DAPK1: variants seen among roughly 807,000 people sequenced by gnomAD.
DAPK1 encodes death associated protein kinase 1, also known as death-associated protein kinase 1.
In DAPK1, 56 loss-of-function variants were observed where a neutral mutation model predicts 144.9. That is an observed-to-expected ratio of 0.39 (90% CI 0.31 to 0.48). The LOEUF (loss-of-function observed/expected upper bound fraction) is 0.48. DAPK1 is among the 20% of genes least tolerant of loss of function. The pLI is 0.95. For synonymous variants in DAPK1, 690 were observed against 749.0 expected (o/e 0.92, Z 1.29); for missense variants, 1,454 against 1,875.4 (o/e 0.78, Z 4.15).
At chr9:87,597,276 C>G (rs1828350673) in intron 2 of DAPK1, among the ~76,000 whole-genome samples, 1 of 152,180 alleles carries the variant, frequency 6.6e-6, no homozygotes, top group South Asian at 2.1e-4. Context: ...AAGGTGCTGT[C>G]TGCTTCCCAT....
rs1415129713 is a variant in DAPK1, at chr9:87,706,999, C to CG, written c.3930dup (p.Arg1311GlufsTer28). 2.5e-6 allele frequency: 4 copies of CG among 1,613,322 alleles called. No homozygotes were observed. Among genetic ancestry groups the CG allele is most frequent in the African/African-American group, 1.3e-5 (1 of 74,908 alleles). On this transcript the variant is annotated frameshift_variant, in exon 26 of 26. Transcript: ENST00000408954. LOFTEE classifies it high-confidence loss of function. The surrounding 1 kb of genome is among the most constrained non-coding windows in gnomAD (Gnocchi z 9.0). ...TGCATCAGACCTGAACCTCCTCACT[C>CG]GGAGGAAACTGAGTCGCCTGCTGGA...
Position 87,708,351 on chromosome 9 carries a change from A to T in DAPK1, c.*987A>T, listed in dbSNP as rs977174401. The T allele has an allele frequency of 1.3e-5, 2 of 152,726 alleles. No individual in the cohort carries two copies. Among genetic ancestry groups the T allele is most frequent in the Non-Finnish European group, 2.9e-5 (2 of 68,096 alleles). 9.5% of individuals were successfully genotyped at this position (152,726 alleles called of 1,614,324 possible). ...GTTTCCACATTTAGATCCTGGTTTCATAACTTCCTGTACTTGAAGTCTAAA... is the reference window on the plus strand; with the variant it reads ...GTTTCCACATTTAGATCCTGGTTTCTTAACTTCCTGTACTTGAAGTCTAAA... On this transcript the variant is annotated 3_prime_UTR_variant, in exon 26 of 26. Coordinates refer to ENST00000408954, the MANE Select transcript of DAPK1 (RefSeq NM_004938.4).
chr9:87,513,130 A>G (rs905154346), intron 2 of DAPK1, among the ~76,000 whole-genome samples: 1 of 152,250 alleles, frequency 6.6e-6, no homozygotes, highest in Non-Finnish European at 1.5e-5. Context: ...CAAATAAGCT[A>G]TAAACAGGTA....
At chr9:87,649,001 G>A in intron 15 of DAPK1, 122 bp downstream of exon 15, 1 of 834,780 alleles carries the variant, frequency 1.2e-6, no homozygotes, top group Non-Finnish European at 1.9e-6. Context: ...CCCCTACAGA[G>A]GGCAAGGCTC....
intron 2 of DAPK1, among the ~76,000 whole-genome samples, chr9:87,568,625 C>T (rs9314767): frequency 0.28 from 41,869 of 152,064 alleles, 6,175 homozygotes; most frequent in East Asian, 0.49. Context: ...GCAGCCTGAC[C>T]GTGCCTCCTC....
intron 2 of DAPK1, among the ~76,000 whole-genome samples, chr9:87,502,882 G>T (rs56175711): frequency 6.6e-6 from 1 of 152,126 alleles, no homozygotes; most frequent in Admixed American, 6.5e-5. Context: ...ATGGTGTGCA[G>T]GGTTTCATAG....
intron 24 of DAPK1, chr9:87,701,690 T>C (rs12056997): frequency 0.16 from 51,603 of 328,014 alleles, 5,389 homozygotes; most frequent in East Asian, 0.43. Context: ...CCTGTCTCCC[T>C]CTCTTACCTT....
chr9:87,547,636 G>T (rs1162039991), intron 2 of DAPK1, among the ~76,000 whole-genome samples: 2 of 151,724 alleles, frequency 1.3e-5, no homozygotes, highest in African/African-American at 4.8e-5. Context: ...TTGATTTTAA[G>T]GAATTGGCTT....
intron 2 of DAPK1, among the ~76,000 whole-genome samples, chr9:87,572,077 A>C (rs180870487): frequency 1.1e-3 from 161 of 152,386 alleles, no homozygotes; most frequent in African/African-American, 3.7e-3. Context: ...AGACTTGCTC[A>C]GCATTGGCAA....
intron 2 of DAPK1, among the ~76,000 whole-genome samples, chr9:87,540,777 G>A (rs4877365): frequency 0.29 from 43,413 of 152,038 alleles, 6,510 homozygotes; most frequent in Middle Eastern, 0.42. Context: ...CCACAGCGTA[G>A]TTGCTCACTT....
intron 21 of DAPK1, among the ~76,000 whole-genome samples, chr9:87,688,530 T>C (rs548175299): frequency 6.6e-6 from 1 of 152,358 alleles, no homozygotes; most frequent in African/African-American, 2.4e-5. Context: ...CCACAGTGGC[T>C]GAACTTATTT....
intron 2 of DAPK1, among the ~76,000 whole-genome samples, chr9:87,602,922 TTCTC>T (rs143584239): frequency 0.028 from 4,145 of 146,462 alleles, 151 homozygotes; most frequent in African/African-American, 0.088. Context: ...GTCTCTCTGT[TTCTC>T]TCTCTCTCTC....
chr9:87,602,971 A>T (rs1828581411), intron 2 of DAPK1, among the ~76,000 whole-genome samples: 1 of 148,902 alleles, frequency 6.7e-6, no homozygotes, highest in South Asian at 2.1e-4. Flanking sequence ...TTGAATTTTA[A>T]AGCACCATGA....
At chr9:87,551,869 G>C (rs138768809) in intron 2 of DAPK1, among the ~76,000 whole-genome samples, 1 of 152,148 alleles carries the variant, frequency 6.6e-6, no homozygotes, top group African/African-American at 2.4e-5. Context: ...AGGGGCGGGC[G>C]CTGCTGATAG....
chr9:87,648,680 CAG>C lies in DAPK1; in HGVS notation c.1330-98_1330-97del, dbSNP rs1830343914. 8 of 1,059,324 alleles carry C rather than the reference CAG, an allele frequency of 7.6e-6. No homozygotes were observed. In the Admixed American group the frequency reaches 1.1e-4, roughly 14 times the overall value. The allele number at this position is 1,059,324 out of a possible 1,614,324, so 65.6% of individuals were successfully genotyped here. A position where few individuals can be genotyped will look rare whatever the true frequency, so the allele number is the denominator to read the frequency against. On this transcript the variant is annotated intron_variant, in intron 14 of 25. Transcript: ENST00000408954. The stretch of plus-strand genomic sequence containing the variant: ...GGTGGGTGGGTGGAACCAAAGGGGA[CAG>C]AGTGGAACCAGGCAGGCCTGGGTGT...
chr9:87,592,896 C>T (rs1828186881), intron 2 of DAPK1, among the ~76,000 whole-genome samples: 1 of 152,240 alleles, frequency 6.6e-6, no homozygotes, highest in South Asian at 2.1e-4. Context: ...GCGGTCCCCT[C>T]CCCATTTTCT....
intron 2 of DAPK1, among the ~76,000 whole-genome samples, chr9:87,574,383 G>T (rs772185893): frequency 6.6e-6 from 1 of 152,146 alleles, no homozygotes; most frequent in East Asian, 1.9e-4. Flanking sequence ...GGGTCTTAAG[G>T]TCATTCAAAC....
At chr9:87,582,381 G>A (rs1371706183) in intron 2 of DAPK1, among the ~76,000 whole-genome samples, 1 of 152,154 alleles carries the variant, frequency 6.6e-6, no homozygotes, top group Non-Finnish European at 1.5e-5. Context: ...AGTAATGGTT[G>A]ACATTGAATG....
At chr9:87,622,861 A>C (rs1829350415) in intron 3 of DAPK1, among the ~76,000 whole-genome samples, 1 of 152,102 alleles carries the variant, frequency 6.6e-6, no homozygotes, top group African/African-American at 2.4e-5. Context: ...CAGTGACCCG[A>C]GATTGCACCA....
Sources: gnomAD v4.1 joint callset for allele counts (sites outside exome capture counted in the v4.1 genomes callset) on GRCh38, gnomAD v4.1.1 for gene constraint, Gnocchi (gnomAD v3.1) non-coding constraint, MANE v1.5 for transcripts, NCBI Gene and HGNC (gene_info 2026-07-23, HGNC 2026-07-21) for gene names.